PCDHA1: variants seen among roughly 807,000 people sequenced by gnomAD.
PCDHA1 encodes the protein protocadherin alpha 1.
A neutral mutation model predicts 61.3 loss-of-function variants in PCDHA1; 42 were observed. That is an observed-to-expected ratio of 0.69 (90% CI 0.54 to 0.89). PCDHA1 has a LOEUF of 0.89. PCDHA1 is among the 40% of genes least tolerant of loss of function. PCDHA1 has a pLI of 0.00. For synonymous variants in PCDHA1, 610 were observed against 553.8 expected (o/e 1.10, Z -1.43); for missense variants, 1,256 against 1,235.3 (o/e 1.02, Z -0.25).
Position 140,857,842 on chromosome 5 carries a change from T to C in PCDHA1, c.2394+69158T>C, listed in dbSNP as rs932363961. 33 of 1,597,726 alleles carry C rather than the reference T, an allele frequency of 2.1e-5. 1 individual carries two copies. Among genetic ancestry groups the C allele is most frequent in the Non-Finnish European group, 2.7e-5 (32 of 1,167,518 alleles). ...TGGCTAAGGTGCGCGCAGTGGACGCTGACTCTGGATACAACGCGTGGCTGT... is the reference window on the plus strand; with the variant it reads ...TGGCTAAGGTGCGCGCAGTGGACGCCGACTCTGGATACAACGCGTGGCTGT... On this transcript the variant is annotated intron_variant, in intron 1 of 3. Transcript: ENST00000504120.
Position 140,803,314 on chromosome 5 carries a change from C to T in PCDHA1, c.2394+14630C>T, listed in dbSNP as rs782516303. 4 of 1,614,140 alleles carry T rather than the reference C, an allele frequency of 2.5e-6. No homozygotes were observed. The highest frequency in any genetic ancestry group is 3.4e-6 in the Non-Finnish European group (4 of 1,180,002). ...GTGTACTTGATCGTCGCCATCTGCG[C>T]GGTGTCCAGTCTGTTGGTGCTCACA... On this transcript the variant is annotated intron_variant, in intron 1 of 3. Transcript: ENST00000504120.
chr5:140,821,892 A>G, intron 1 of PCDHA1: 1 of 1,614,238 alleles, frequency 6.2e-7, no homozygotes, highest in Non-Finnish European at 8.5e-7. Flanking sequence ...AGGAAGCCAA[A>G]CACGGAACCT....
chr5:140,828,565 C>G (rs2150156833), intron 1 of PCDHA1: 14 of 1,614,168 alleles, frequency 8.7e-6, no homozygotes, highest in Non-Finnish European at 1.2e-5. Flanking sequence ...AGGGCGCGTC[C>G]GATGCAGATG....
chr5:140,966,938 G>A (rs1159097726), intron 1 of PCDHA1: 1 of 1,604,146 alleles, frequency 6.2e-7, no homozygotes, highest in African/African-American at 1.3e-5. Context: ...CGGCGCGCTC[G>A]TGGGCAACGT....
At chr5:140,809,056 C>T (rs782158159) in intron 1 of PCDHA1, 8 of 1,613,880 alleles carry the variant, frequency 5.0e-6, no homozygotes, top group Admixed American at 3.3e-5. Context: ...TCCCGTTCCG[C>T]GTGGGGCTGT....
At chr5:140,803,020 C>G (rs1274408864) in intron 1 of PCDHA1, 2 of 1,613,916 alleles carry the variant, frequency 1.2e-6, no homozygotes, top group Non-Finnish European at 1.7e-6. Flanking sequence ...GCGTGGCTTT[C>G]GTATGAGCTG....
At chr5:140,876,131 C>G in intron 1 of PCDHA1, 3 of 1,613,872 alleles carry the variant, frequency 1.9e-6, no homozygotes, top group Non-Finnish European at 2.5e-6. Context: ...GGCGGTAAAC[C>G]AGAACTAACA....
chr5:140,927,897 T>C (rs907878286), intron 1 of PCDHA1: 1 of 1,614,086 alleles, frequency 6.2e-7, no homozygotes, highest in African/African-American at 1.3e-5. Context: ...ACGTGAACGA[T>C]CATGCCCCCG....
intron 3 of PCDHA1, among the ~76,000 whole-genome samples, chr5:141,007,395 C>CAAAAAAAAAAAAAAAAAA (rs35800918): frequency 1.1e-5 from 1 of 94,866 alleles, no homozygotes; most frequent in African/African-American, 4.3e-5. Context: ...TACTAAAATA[C>CAAAAAAAAAAAAAAAAAA]AAAAAAAAAA....
chr5:140,908,848 C>T (rs949816953), intron 1 of PCDHA1, among the ~76,000 whole-genome samples: 4 of 152,126 alleles, frequency 2.6e-5, no homozygotes, highest in East Asian at 3.9e-4. Context: ...GAGTAACATA[C>T]CCAAATGAGG....
intron 3 of PCDHA1, among the ~76,000 whole-genome samples, chr5:140,999,091 T>A (rs1342614556): frequency 2.0e-5 from 3 of 152,208 alleles, no homozygotes; most frequent in African/African-American, 7.2e-5. Flanking sequence ...TTCAGAGGGC[T>A]ATGGAGAGTA....
intron 1 of PCDHA1, chr5:140,807,219 C>G: frequency 6.2e-7 from 1 of 1,614,030 alleles, no homozygotes; most frequent in Non-Finnish European, 8.5e-7. Flanking sequence ...GGCCAGGAAT[C>G]CCGGCGTCTG....
intron 1 of PCDHA1, chr5:140,861,477 A>AT (rs2046941356): frequency 1.6e-5 from 8 of 493,206 alleles, no homozygotes; most frequent in South Asian, 1.2e-4. Context: ...GCAGAATGGC[A>AT]TTTTTGTGAG....
At chr5:140,927,612 C>T (rs781873236) in intron 1 of PCDHA1, 12 of 1,614,172 alleles carry the variant, frequency 7.4e-6, no homozygotes, top group Non-Finnish European at 8.5e-6. Context: ...TATACCGCAC[C>T]AAGGTTCCAG....
rs371515299 is a variant in PCDHA1, at chr5:140,870,550, G to T, written c.2394+81866G>T. 1.5e-5 allele frequency: 24 copies of T among 1,613,948 alleles called. No individual in the cohort carries two copies. The highest frequency in any genetic ancestry group is 1.6e-4 in the Middle Eastern group (1 of 6,080). ...CACAGTGTCGGCGCGGGACGCGGAC[G>T]CGCAGGAGAACGCGCTGGTGTCCTA... On this transcript the variant is annotated intron_variant, in intron 1 of 3. Transcript: ENST00000504120.
At chr5:140,876,742 G>C (rs1554168860) in intron 1 of PCDHA1, 3 of 1,614,274 alleles carry the variant, frequency 1.9e-6, no homozygotes, top group Admixed American at 3.3e-5. Context: ...CTATGAGCTG[G>C]TGGTGACTGC....
rs191251073 is a variant in PCDHA1, at chr5:140,928,748, G to A, written c.2395-50201G>A. 503 of 1,614,114 alleles carry A rather than the reference G, an allele frequency of 3.1e-4. 5 individuals carry two copies. The East Asian group carries it at 1.0e-2, about 32-fold the overall frequency. Reference sequence around the variant, plus strand: ...ATTTCAGCCAATATAGGTGAGCTCCGTACTGCTCGCTTAGTTCTTCCCACT... The same window carrying A: ...ATTTCAGCCAATATAGGTGAGCTCCATACTGCTCGCTTAGTTCTTCCCACT... On this transcript the variant is annotated intron_variant, in intron 1 of 3. Transcript: ENST00000504120.
At chr5:140,876,215 A>G in intron 1 of PCDHA1, 1 of 1,614,008 alleles carries the variant, frequency 6.2e-7, no homozygotes, top group South Asian at 1.1e-5. Context: ...CCCAGCTATA[A>G]AGTAGTGTTG....
chr5:140,885,367 G>T (rs1476588272), intron 1 of PCDHA1, among the ~76,000 whole-genome samples: 2 of 152,244 alleles, frequency 1.3e-5, no homozygotes, highest in African/African-American at 4.8e-5. Flanking sequence ...GTGACTGAAA[G>T]TACCTTTTGG....
Sources: allele counts gnomAD v4.1 joint callset (sites outside exome capture counted in the v4.1 genomes callset), GRCh38; gene constraint gnomAD v4.1.1; transcripts MANE v1.5; gene names NCBI Gene and HGNC (gene_info 2026-07-23, HGNC 2026-07-21).